GABRQ: variants seen among roughly 807,000 people sequenced by gnomAD.
GABRQ encodes gamma-aminobutyric acid receptor subunit theta.
Under a neutral mutation model 30.5 loss-of-function variants are expected in GABRQ, and 19 were observed. The ratio of observed to expected loss-of-function variants is 0.62; its 90% CI spans 0.43 to 0.91. The LOEUF (loss-of-function observed/expected upper bound fraction) is 0.91. GABRQ is among the 40% of genes least tolerant of loss of function. GABRQ has a pLI of 0.00. For missense variants in GABRQ, 520 were observed against 521.4 expected (o/e 1.00, Z 0.03); for synonymous variants, 187 against 210.2 (o/e 0.89, Z 0.95).
In GABRQ at chrX:152,652,525, C is replaced by T. The variant is rs782573307; in HGVS notation, c.1159-16C>T. The T allele has an allele frequency of 8.4e-7, 1 of 1,189,285 alleles. No homozygotes were observed. ...GCGATATGAAACTGATGAGCCTATC[C>T]ATTATCTCCTCAAAGGATGGCCTGA... On this transcript the variant is annotated splice_polypyrimidine_tract_variant and intron_variant, in intron 8 of 8. Coordinates refer to ENST00000598523, the MANE Select transcript of GABRQ (RefSeq NM_018558.4).
chrX:152,648,226 G>A (rs1309615719), intron 4 of GABRQ, among the ~76,000 whole-genome samples: 4 of 111,425 alleles, frequency 3.6e-5, no homozygotes, highest in African/African-American at 1.3e-4. Flanking sequence ...AGATAAGAAG[G>A]GCAGAATAAG....
In GABRQ at chrX:152,656,833, A is replaced by G. The variant is rs192752430; in HGVS notation, c.*3552A>G. The G allele has an allele frequency of 2.4e-4, 27 of 112,334 alleles. No homozygotes were observed. In the Admixed American group the frequency reaches 2.4e-3, roughly 10 times the overall value. 9.3% of individuals were successfully genotyped at this position (112,334 alleles called of 1,213,427 possible). ...TAACTTTCTAGCTATTCCATAGCCC[A>G]ACATCAAAGGAAATCGTGACTCGTC... On this transcript the variant is annotated 3_prime_UTR_variant, in exon 9 of 9. Coordinates refer to ENST00000598523, the MANE Select transcript of GABRQ (RefSeq NM_018558.4).
chrX:152,641,447 C>T (rs1295170231), intron 2 of GABRQ, among the ~76,000 whole-genome samples: 1 of 113,170 alleles, frequency 8.8e-6, no homozygotes, highest in Non-Finnish European at 1.9e-5. Context: ...ACTCTGGCTC[C>T]ACCCCAAGAA....
rs1175430318 is a variant in GABRQ at position 152,655,882 on chromosome X, T to G, written c.*2601T>G. 8.9e-6 allele frequency: 1 copy of G among 112,115 alleles called. No homozygotes were observed. Among genetic ancestry groups the G allele is most frequent in the Non-Finnish European group, 1.9e-5 (1 of 53,190 alleles). The allele number at this position is 112,115 out of a possible 1,213,427, so 9.2% of individuals were successfully genotyped here. A position where few individuals can be genotyped will look rare whatever the true frequency, so the allele number is the denominator to read the frequency against. On this transcript the variant is annotated 3_prime_UTR_variant, in exon 9 of 9. Coordinates refer to ENST00000598523, the MANE Select transcript of GABRQ (RefSeq NM_018558.4). ...AAGATTTGTCTGGAAGCAATGCACA[T>G]GAAGGCTTCACAGCACAGAGGAAGG...
In GABRQ at chrX:152,645,497, T is replaced by G. The variant is rs1556819072; in HGVS notation, c.239-30T>G. On this transcript the variant is annotated intron_variant, in intron 2 of 8. Transcript: ENST00000598523. ...TATGCTCTTAACCTTTATTCTACCTTTCGTGTAACTGTGTCTTTCTGTCTT... is the reference window on the plus strand; with the variant it reads ...TATGCTCTTAACCTTTATTCTACCTGTCGTGTAACTGTGTCTTTCTGTCTT... 9.7e-6 allele frequency: 9 copies of G among 929,673 alleles called. No homozygotes were observed. In the South Asian group the frequency reaches 9.8e-5, roughly 10 times the overall value. 76.6% of individuals were successfully genotyped at this position (929,673 alleles called of 1,213,427 possible). A position where few individuals can be genotyped will look rare whatever the true frequency, so the allele number is the denominator to read the frequency against.
In GABRQ at chrX:152,653,563, G is replaced by A. The variant is rs188892975; in HGVS notation, c.*282G>A. The A allele has an allele frequency of 3.9e-4, 105 of 268,001 alleles. No individual in the cohort carries two copies. The East Asian group carries it at 6.3e-3, about 16-fold the overall frequency. 22.1% of individuals were successfully genotyped at this position (268,001 alleles called of 1,213,427 possible). A position where few individuals can be genotyped will look rare whatever the true frequency, so the allele number is the denominator to read the frequency against. On this transcript the variant is annotated 3_prime_UTR_variant, in exon 9 of 9. Transcript: ENST00000598523. ...TTCAAAGACTTGTAACAAGGAATAA[G>A]CATAGAAAAGCCCCTGGAAATGTTT...
intron 1 of GABRQ, among the ~76,000 whole-genome samples, chrX:152,639,261 T>G (rs782096183): frequency 5.3e-5 from 5 of 93,734 alleles, no homozygotes; most frequent in Admixed American, 3.4e-4. Flanking sequence ...AAGCCAGAAA[T>G]TAACATGTAC....
intron 2 of GABRQ, among the ~76,000 whole-genome samples, chrX:152,645,094 ACACAGC>A (rs1930855384): frequency 9.2e-6 from 1 of 108,507 alleles, no homozygotes; most frequent in African/African-American, 3.3e-5. Context: ...ACACTCATAT[ACACAGC>A]TCACACAATC....
At position 152,652,790 on chromosome X, in the gene GABRQ, G is replaced by A. The variant is rs1305610914; in HGVS notation, c.1408G>A (p.Gly470Ser). The A allele has an allele frequency of 1.7e-6, 2 of 1,210,973 alleles. No individual in the cohort carries two copies. Among genetic ancestry groups the A allele is most frequent in the Non-Finnish European group, 2.2e-6 (2 of 895,354 alleles). ...ARHSYGVRFNGFQADDSIIPT... is the reference protein window; with the variant it reads ...ARHSYGVRFNSFQADDSIIPT... ...GCACAGCTATGGTGTTCGCTTTAAT[G>A]GTTTCCAGGCTGATGACAGTATTAT... is the stretch of plus-strand genomic sequence containing the variant. Residue 470 changes from glycine to serine, a missense_variant, in exon 9 of 9, where the codon GGT (glycine) becomes AGT (serine). Transcript: ENST00000598523.
chrX:152,642,423 A>G (rs1221186383), intron 2 of GABRQ, among the ~76,000 whole-genome samples: 3 of 112,009 alleles, frequency 2.7e-5, no homozygotes, highest in African/African-American at 9.8e-5. Context: ...CCTTCCTTGC[A>G]TACGGGGGAC....
At chrX:152,647,192 A>T in intron 4 of GABRQ, 24 bp downstream of exon 4, 3 of 1,062,151 alleles carry the variant, frequency 2.8e-6, no homozygotes, top group Non-Finnish European at 3.9e-6. Flanking sequence ...GGGTCTGGGG[A>T]TGTCCCAGCA....
In GABRQ at chrX:152,646,957, A is replaced by G; in HGVS notation, c.316A>G (p.Ile106Val). 1 of 1,200,105 alleles carries G rather than the reference A, an allele frequency of 8.3e-7. No homozygotes were observed. Among genetic ancestry groups the G allele is most frequent in the Non-Finnish European group, 1.1e-6 (1 of 885,075 alleles). The change falls in exon 4 of 9, where the codon ATC (isoleucine) becomes GTC (valine). Residue 106 changes from isoleucine to valine, a missense_variant. Physicochemically the swap from Ile to Val is conservative, Grantham distance 29. Transcript: ENST00000598523. ...ACATTTGTCTTCCCAGGACTACACG[A>G]TCACGATGTTTTTTCATCAGACTTG... ...QISEMNMDYTITMFFHQTWKD... is the reference protein window; with the variant it reads ...QISEMNMDYTVTMFFHQTWKD...
At position 152,652,647 on chromosome X, in the gene GABRQ, A is replaced by T; in HGVS notation, c.1265A>T (p.Glu422Val). ...CTCGGTTCTTTGACGTCCACCTCCG[A>T]GCAGGCCCAGCTGGCCACCTCGGAA... Reference protein sequence around the residue: ...ESLGSLTSTSEQAQLATSESL... With the variant: ...ESLGSLTSTSVQAQLATSESL... Residue 422 changes from glutamate (E) to valine (V), a missense_variant, in exon 9 of 9, where the codon GAG becomes GTG. Glu to Val is a moderately radical substitution (Grantham distance 121). Transcript: ENST00000598523. 2 of 1,211,651 alleles carry T rather than the reference A, an allele frequency of 1.7e-6. No homozygotes were observed. Among genetic ancestry groups the T allele is most frequent in the Non-Finnish European group, 2.2e-6 (2 of 895,323 alleles).
In GABRQ at chrX:152,652,885, T is replaced by C. The variant is rs1469821018; in HGVS notation, c.1503T>C (p.Asn501=). ...HGVTHDHEDS[N]ESLSSDERHG... is the part of the protein sequence containing the mutation. ...TTACCCATGACCATGAAGATTCCAATGAGAGCTTGAGCTCGGATGAGCGCC... is the reference window on the plus strand; with the variant it reads ...TTACCCATGACCATGAAGATTCCAACGAGAGCTTGAGCTCGGATGAGCGCC... Residue 501 remains asparagine, a synonymous_variant, in exon 9 of 9, where the codon AAT becomes AAC. Transcript: ENST00000598523. 8.3e-7 allele frequency: 1 copy of C among 1,210,548 alleles called. No homozygotes were observed. The highest frequency in any genetic ancestry group is 1.1e-6 in the Non-Finnish European group (1 of 894,996).
rs1931103660 is a variant in GABRQ at position 152,654,258 on chromosome X, ATATC to A, written c.*982_*985del. Reference sequence around the variant, plus strand: ...CCATCTGATCTAGACTAGCAGATGAATATCTATCGTAAGTCTATATACTAATCCT... The same window carrying A: ...CCATCTGATCTAGACTAGCAGATGAATATCGTAAGTCTATATACTAATCCT... On this transcript the variant is annotated 3_prime_UTR_variant, in exon 9 of 9. Coordinates refer to ENST00000598523, the MANE Select transcript of GABRQ (RefSeq NM_018558.4). 1 of 111,997 alleles carries A rather than the reference ATATC, an allele frequency of 8.9e-6. No homozygotes were observed. Among genetic ancestry groups the A allele is most frequent in the South Asian group, 3.7e-4 (1 of 2,670 alleles). 9.2% of individuals were successfully genotyped at this position (111,997 alleles called of 1,213,427 possible). A position where few individuals can be genotyped will look rare whatever the true frequency, so the allele number is the denominator to read the frequency against.
intron 4 of GABRQ, among the ~76,000 whole-genome samples, chrX:152,648,805 T>A (rs1930950008): frequency 8.9e-6 from 1 of 112,299 alleles, no homozygotes; most frequent in African/African-American, 3.2e-5. Context: ...TAGTCCCCAA[T>A]ACCCACATAG....
At chrX:152,650,003 G>A in intron 6 of GABRQ, 124 bp downstream of exon 6, 1 of 534,253 alleles carries the variant, frequency 1.9e-6, no homozygotes, top group East Asian at 3.4e-5. Flanking sequence ...ACTGGTTCCA[G>A]GCCCCCTTAA....
chrX:152,639,847 T>C (rs1930709370), intron 1 of GABRQ, among the ~76,000 whole-genome samples: 1 of 111,568 alleles, frequency 9.0e-6, no homozygotes, highest in Non-Finnish European at 1.9e-5. Context: ...GACTAAAAAA[T>C]GCCCAGCCCT....
chrX:152,658,326 C>T (rs1226505631), downstream of GABRQ, among the ~76,000 whole-genome samples: 2 of 112,025 alleles, frequency 1.8e-5, no homozygotes, highest in Non-Finnish European at 3.8e-5. Flanking sequence ...CACTCTCTTT[C>T]AAGACCACCC....
Sources: allele counts gnomAD v4.1 joint callset (sites outside exome capture counted in the v4.1 genomes callset), GRCh38; gene constraint gnomAD v4.1.1; transcripts MANE v1.5; gene names NCBI Gene and HGNC (gene_info 2026-07-23, HGNC 2026-07-21).